Variants in OPA1 observed in about 807,000 individuals in gnomAD.
OPA1 encodes dynamin-like GTPase OPA1, mitochondrial.
In OPA1, 59 loss-of-function variants were observed where a neutral mutation model predicts 152.9. The observed-to-expected ratio is 0.39, with a 90% CI of 0.31 to 0.48. OPA1 has a LOEUF of 0.48. OPA1 is among the 20% of genes least tolerant of loss of function. OPA1 has a pLI of 0.96. For synonymous variants in OPA1, 400 were observed against 389.9 expected (o/e 1.03, Z -0.31); for missense variants, 1,008 against 1,216.8 (o/e 0.83, Z 2.55).
At chr3:193,594,478 C>T (rs938701093) in intron 1 of OPA1, among the ~76,000 whole-genome samples, 1 of 152,190 alleles carries the variant, frequency 6.6e-6, no homozygotes, top group African/African-American at 2.4e-5. Flanking sequence ...ACCTCCGCCT[C>T]CCAGGTTCAA....
At position 193,642,817 on chromosome 3, in the gene OPA1, G is replaced by T. The variant is rs1180256773; in HGVS notation, c.1202G>T (p.Arg401Leu). The change falls in exon 12 of 31, where the codon CGG (arginine) becomes CTG (leucine). Residue 401 changes from arginine (R) to leucine (L), a missense_variant. Coordinates refer to ENST00000361510, the MANE Select transcript of OPA1 (RefSeq NM_130837.3). Reference protein sequence around the residue: ...HHVALFKDSSREFDLTKEEDL... With the variant: ...HHVALFKDSSLEFDLTKEEDL... The stretch of plus-strand genomic sequence containing the variant: ...GTGGCCCTATTTAAAGATAGTTCTC[G>T]GGAGTTTGATCTTACCAAAGAAGAA... 1 of 1,613,426 alleles carries T rather than the reference G, an allele frequency of 6.2e-7. No individual in the cohort carries two copies.
At chr3:193,612,218 C>T (rs1389148771) in intron 1 of OPA1, among the ~76,000 whole-genome samples, 1 of 150,780 alleles carries the variant, frequency 6.6e-6, no homozygotes, top group Non-Finnish European at 1.5e-5. Flanking sequence ...TTACAGCAGG[C>T]AGGCCTGGCT....
intron 21 of OPA1, among the ~76,000 whole-genome samples, chr3:193,654,409 T>G (rs2109133736): frequency 6.6e-6 from 1 of 151,938 alleles, no homozygotes; most frequent in Middle Eastern, 3.4e-3. Context: ...GGTGGGAGGA[T>G]GGCTTGAGCC....
chr3:193,657,053 G>C, intron 22 of OPA1, 27 bp from the exon 23 acceptor site: 1 of 1,594,122 alleles, frequency 6.3e-7, no homozygotes, highest in Non-Finnish European at 8.5e-7. Flanking sequence ...GTAATAATAT[G>C]GCTTTTTTTC....
intron 25 of OPA1, among the ~76,000 whole-genome samples, chr3:193,661,438 C>T (rs990820062): frequency 6.6e-6 from 1 of 152,176 alleles, no homozygotes; most frequent in African/African-American, 2.4e-5. Context: ...CTCCCACTCC[C>T]AGTTGAAGAC....
rs1172330746 is a variant in OPA1, at chr3:193,692,058, C to A, written c.2984-5C>A. On this transcript the variant is annotated splice_polypyrimidine_tract_variant and splice_region_variant and intron_variant, in intron 29 of 30. Transcript: ENST00000361510. ...AAATGTTTTTCTTTATTTTTATCTC[C>A]ACAGAGAAAGTTAGAGAAATTCAAG... 6.7e-7 allele frequency: 1 copy of A among 1,484,892 alleles called. No homozygotes were observed. The highest frequency in any genetic ancestry group is 1.4e-5 in the African/African-American group (1 of 72,246). The allele number at this position is 1,484,892 out of a possible 1,614,324, so 92.0% of individuals were successfully genotyped here.
intron 1 of OPA1, among the ~76,000 whole-genome samples, chr3:193,610,043 G>A (rs1283358294): frequency 6.6e-6 from 1 of 152,232 alleles, no homozygotes; most frequent in African/African-American, 2.4e-5. Flanking sequence ...GCTCGTCAAA[G>A]TCATTCTCTG....
At chr3:193,650,577 CTGTT>C (rs1374878034) in intron 21 of OPA1, among the ~76,000 whole-genome samples, 6 of 152,200 alleles carry the variant, frequency 3.9e-5, no homozygotes, top group Non-Finnish European at 7.4e-5. Context: ...AGTCATAAGA[CTGTT>C]TGATCTATAT....
intron 1 of OPA1, among the ~76,000 whole-genome samples, chr3:193,603,170 A>G (rs1388939692): frequency 1.3e-5 from 2 of 152,166 alleles, no homozygotes; most frequent in Non-Finnish European, 2.9e-5. Context: ...AGCTGTGGAG[A>G]GCTTTCAATA....
At chr3:193,630,163 C>T (rs182943719) in intron 7 of OPA1, among the ~76,000 whole-genome samples, 169 of 152,264 alleles carry the variant, frequency 1.1e-3, no homozygotes, top group African/African-American at 3.8e-3. Flanking sequence ...CTCCAACTTG[C>T]TTGTCTCCTC....
intron 5 of OPA1, 165 bp from the exon 6 acceptor site, chr3:193,618,704 T>C: frequency 3.1e-6 from 2 of 635,040 alleles, no homozygotes; most frequent in Admixed American, 5.4e-5. Flanking sequence ...TCTGCACAGG[T>C]TATCAGTCAT....
At chr3:193,691,081 C>A (rs192202333) in intron 29 of OPA1, among the ~76,000 whole-genome samples, 4 of 152,278 alleles carry the variant, frequency 2.6e-5, no homozygotes, top group Admixed American at 6.5e-5. Context: ...CTTAGCCAGG[C>A]GTGGTGGCAC....
chr3:193,621,282 C>T (rs1237453691), intron 6 of OPA1, among the ~76,000 whole-genome samples: 1 of 152,164 alleles, frequency 6.6e-6, no homozygotes, highest in Non-Finnish European at 1.5e-5. Flanking sequence ...ACTAGCAGAA[C>T]AGTTAGGACC....
intron 30 of OPA1, among the ~76,000 whole-genome samples, chr3:193,692,607 A>G (rs566369578): frequency 6.6e-6 from 1 of 152,058 alleles, no homozygotes; most frequent in South Asian, 2.1e-4. Flanking sequence ...TTCCTACTTA[A>G]TTTATATAGC....
rs1577240973 is a variant in OPA1, at chr3:193,642,998, A to T, written c.1254A>T (p.Ile418=). The change falls in exon 13 of 31, where the codon ATA becomes ATT. Residue 418 remains isoleucine, a synonymous_variant. Transcript: ENST00000361510. ...EEDLAALRHE[I]ELRMRKNVKE... ...AGCTTGCAGCATTAAGACATGAAAT[A>T]GAACTTCGAATGAGGAAAAATGTGA... 1 of 1,613,960 alleles carries T rather than the reference A, an allele frequency of 6.2e-7. No individual in the cohort carries two copies. The highest frequency in any genetic ancestry group is 1.3e-5 in the African/African-American group (1 of 75,066).
intron 29 of OPA1, among the ~76,000 whole-genome samples, chr3:193,681,681 T>G (rs969842664): frequency 2.0e-5 from 3 of 152,254 alleles, no homozygotes; most frequent in Non-Finnish European, 4.4e-5. Flanking sequence ...CTCATGTCAC[T>G]GTCACATTTT....
Position 193,682,831 on chromosome 3 carries a change from A to G in OPA1, c.2984-9232A>G, listed in dbSNP as rs1577388680. The stretch of plus-strand genomic sequence containing the variant: ...GCAAGAGTTCTGAGGGAGATGTACA[A>G]GGAGATTTATGTTGTTTTTGTGCCT... On this transcript the variant is annotated intron_variant, in intron 29 of 30. Coordinates refer to ENST00000361510, the MANE Select transcript of OPA1 (RefSeq NM_130837.3). Among the ~76,000 whole-genome samples the G allele has an allele frequency of 3.9e-5, 6 of 152,340 alleles. No homozygotes were observed. The East Asian group carries it at 1.2e-3, about 29-fold the overall frequency.
chr3:193,614,393 C>T (rs1175415535), intron 1 of OPA1, among the ~76,000 whole-genome samples: 2 of 152,174 alleles, frequency 1.3e-5, no homozygotes, highest in Non-Finnish European at 2.9e-5. Flanking sequence ...AGTGGAGTCC[C>T]ACTGCTTTGG....
At chr3:193,667,960 C>A (rs1028644322) in intron 29 of OPA1, among the ~76,000 whole-genome samples, 4 of 152,034 alleles carry the variant, frequency 2.6e-5, no homozygotes, top group African/African-American at 9.7e-5. Flanking sequence ...AAATGGAGAC[C>A]TAGAAATTAT....
Sources: allele counts gnomAD v4.1 joint callset (sites outside exome capture counted in the v4.1 genomes callset), GRCh38; gene constraint gnomAD v4.1.1; transcripts MANE v1.5; gene names NCBI Gene and HGNC (gene_info 2026-07-23, HGNC 2026-07-21).